Variants in ZNF106 observed in about 807,000 individuals in gnomAD.
ZNF106 encodes the protein zinc finger protein 106.
ZNF106 carries 67 observed loss-of-function variants against 195.1 expected under a neutral mutation model. The ratio of observed to expected loss-of-function variants is 0.34; its 90% CI spans 0.28 to 0.42. ZNF106 has a LOEUF of 0.42. Ranked by LOEUF, ZNF106 falls within the 10% of genes least tolerant of loss-of-function variation. ZNF106 has a pLI of 1.00. For missense variants in ZNF106, 2,118 were observed against 2,304.5 expected, an observed-to-expected ratio of 0.92 and a Z score of 1.66; for synonymous variants, 784 against 818.6, an observed-to-expected ratio of 0.96 and a Z score of 0.72.
rs374689042 is a variant in ZNF106, at chr15:42,439,677, T to A, written c.3900A>T (p.Glu1300Asp). The change falls in exon 11 of 22, where the codon GAA becomes GAT. Residue 1300 changes from glutamate to aspartate, a missense_variant. Coordinates refer to ENST00000564754, the MANE Select transcript of ZNF106 (RefSeq NM_001366845.3). ...SVEQRNTRNR[E>D]NSPSSQSAGL... ...CAGCTGATTGGGAAGAGGGAGAGTT[T>A]TCTCTGTTTCTGGTATTTCTTTGCT... The A allele has an allele frequency of 1.4e-5, 23 of 1,613,950 alleles. No individual in the cohort carries two copies. The highest frequency in any genetic ancestry group is 1.8e-5 in the Non-Finnish European group (21 of 1,180,002).
chr15:42,426,883 G>T (rs1424659630), intron 15 of ZNF106, among the ~76,000 whole-genome samples: 1 of 152,176 alleles, frequency 6.6e-6, no homozygotes, highest in Admixed American at 6.5e-5. Flanking sequence ...TTGCCCTTCT[G>T]TGATGTATCA....
At chr15:42,489,604 ACT>A (rs2057095778) in intron 1 of ZNF106, among the ~76,000 whole-genome samples, 1 of 152,242 alleles carries the variant, frequency 6.6e-6, no homozygotes, top group African/African-American at 2.4e-5. Context: ...TGTAGTAGAT[ACT>A]AAATAAATTC....
At chr15:42,488,101 C>T (rs1386060359) in intron 1 of ZNF106, among the ~76,000 whole-genome samples, 3 of 152,146 alleles carry the variant, frequency 2.0e-5, no homozygotes, top group African/African-American at 4.8e-5. Flanking sequence ...GTACTCAGCA[C>T]GTAGCAAATT....
At chr15:42,481,357 G>GTTTTTTTTTTTTTTT (rs751618549) in intron 1 of ZNF106, among the ~76,000 whole-genome samples, 9 of 109,154 alleles carry the variant, frequency 8.2e-5, no homozygotes, top group Non-Finnish European at 1.7e-4. Context: ...TTTTTTTGTT[G>GTTTTTTTTTTTTTTT]TTTTTTTTTT....
At chr15:42,429,156 T>C (rs969757864) in intron 14 of ZNF106, among the ~76,000 whole-genome samples, 4 of 151,836 alleles carry the variant, frequency 2.6e-5, no homozygotes, top group Non-Finnish European at 4.4e-5. Context: ...AAATTTGTTG[T>C]TGAGGCCGGA....
chr15:42,486,409 G>A (rs537865192), intron 1 of ZNF106, among the ~76,000 whole-genome samples: 46 of 152,104 alleles, frequency 3.0e-4, no homozygotes, highest in African/African-American at 8.4e-4. Flanking sequence ...ACAGGTATAC[G>A]CTACTATACT....
chr15:42,459,673 TGAG>T (rs1276488761), intron 3 of ZNF106, among the ~76,000 whole-genome samples: 1 of 152,142 alleles, frequency 6.6e-6, no homozygotes. Context: ...CAGAACAGTC[TGAG>T]GACTATAACA....
At chr15:42,490,217 G>A (rs1440116988) in intron 1 of ZNF106, 2 of 149,146 alleles carry the variant, frequency 1.3e-5, no homozygotes, top group Admixed American at 6.7e-5. Context: ...CAACAAGAGC[G>A]AAACTTTGTC....
At chr15:42,470,334 C>T (rs1336481424) in intron 2 of ZNF106, among the ~76,000 whole-genome samples, 2 of 152,072 alleles carry the variant, frequency 1.3e-5, no homozygotes, top group Non-Finnish European at 2.9e-5. Context: ...ACAAGCATGG[C>T]TTCAACACCA....
chr15:42,427,233 G>A (rs1350653470), intron 15 of ZNF106, among the ~76,000 whole-genome samples: 1 of 152,060 alleles, frequency 6.6e-6, no homozygotes, highest in East Asian at 1.9e-4. Flanking sequence ...CCCTGCCTTT[G>A]CTAATACCAA....
At chr15:42,462,946 CT>C (rs959474305) in intron 3 of ZNF106, among the ~76,000 whole-genome samples, 1 of 142,936 alleles carries the variant, frequency 7.0e-6, no homozygotes, top group Non-Finnish European at 1.5e-5. Flanking sequence ...CCACACCTGG[CT>C]TTTTTTTGTT....
intron 17 of ZNF106, 29 bp from the exon 18 acceptor site, chr15:42,422,649 AGACT>A (rs1222892314): frequency 6.3e-7 from 1 of 1,579,274 alleles, no homozygotes; most frequent in Non-Finnish European, 8.6e-7. Flanking sequence ...AAGAGTCACC[AGACT>A]GACTTTCGAG....
chr15:42,442,492 T>C (rs1241959436), intron 9 of ZNF106, 78 bp from the exon 10 acceptor site: 25 of 1,226,134 alleles, frequency 2.0e-5, no homozygotes, highest in Non-Finnish European at 2.8e-5. Context: ...TAATTTGTAT[T>C]TTTAAACATT....
intron 19 of ZNF106, among the ~76,000 whole-genome samples, chr15:42,421,597 G>A (rs2054660113): frequency 6.6e-6 from 1 of 152,150 alleles, no homozygotes; most frequent in African/African-American, 2.4e-5. Flanking sequence ...ATGCCACACT[G>A]GCCAAATCTC....
At position 42,440,997 on chromosome 15, in the gene ZNF106, AAATATATATATATATATATATATATAT is replaced by A. The variant is rs1289399148; in HGVS notation, c.3763+1049_3763+1075del. The stretch of plus-strand genomic sequence containing the variant: ...GAAACTCTGTCTAAAAAAAAAAAAA[AAATATATATATATATATATATATATAT>A]ATATATATATATATATATATATATG... On this transcript the variant is annotated intron_variant, in intron 10 of 21. Transcript: ENST00000564754. 1.8e-3 allele frequency among the ~76,000 whole-genome samples: 92 copies of A among 51,640 alleles called. 10 individuals carry two copies. The highest frequency in any genetic ancestry group is 0.011 in the African/African-American group (86 of 8,016). 33.9% of individuals were successfully genotyped at this position (51,640 alleles called of 152,430 possible).
chr15:42,451,917 A>G lies in ZNF106; in HGVS notation c.355T>C (p.Ser119Pro). ...EPSNSNQEIN[S>P]DDRRPQWRRE... ...CTCCATTGGGGTCGTCTGTCATCAGAGTTTATTTCTTGGTTGCTATTGGAA... is the reference window on the plus strand; with the variant it reads ...CTCCATTGGGGTCGTCTGTCATCAGGGTTTATTTCTTGGTTGCTATTGGAA... Residue 119 changes from serine (S) to proline (P), a missense_variant, in exon 5 of 22, where the codon TCT becomes CCT. Transcript: ENST00000564754. 1 of 1,612,772 alleles carries G rather than the reference A, an allele frequency of 6.2e-7. No individual in the cohort carries two copies. The highest frequency in any genetic ancestry group is 8.5e-7 in the Non-Finnish European group (1 of 1,179,544).
chr15:42,426,575 T>C (rs1022221714), intron 15 of ZNF106, among the ~76,000 whole-genome samples: 1 of 150,154 alleles, frequency 6.7e-6, no homozygotes, highest in African/African-American at 2.5e-5. Context: ...TTTTTTTTTT[T>C]TTTTTTTTTG....
intron 19 of ZNF106, among the ~76,000 whole-genome samples, chr15:42,421,668 T>C (rs930673601): frequency 6.6e-6 from 1 of 152,344 alleles, no homozygotes; most frequent in African/African-American, 2.4e-5. Context: ...ACTCAATTTT[T>C]TGAAGCATCT....
chr15:42,451,632 C>T lies in ZNF106; in HGVS notation c.640G>A (p.Ala214Thr). The change falls in exon 5 of 22, where the codon GCA becomes ACA. Residue 214 changes from alanine (A) to threonine (T), a missense_variant. Coordinates refer to ENST00000564754, the MANE Select transcript of ZNF106 (RefSeq NM_001366845.3). ...SGGGWLSNSG[A>T]VDWNHNGTGR... is the part of the protein sequence containing the mutation. ...GTACCATTATGATTCCAATCTACTG[C>T]TCCACTATTTGAAAGCCAACCACCT... 1.2e-6 allele frequency: 2 copies of T among 1,614,168 alleles called. No individual in the cohort carries two copies. The highest frequency in any genetic ancestry group is 1.7e-6 in the Non-Finnish European group (2 of 1,180,040).
Sources: gnomAD v4.1 joint callset for allele counts (sites outside exome capture counted in the v4.1 genomes callset) on GRCh38, gnomAD v4.1.1 for gene constraint, MANE v1.5 for transcripts, NCBI Gene and HGNC (gene_info 2026-07-23, HGNC 2026-07-21) for gene names.